Variants in HS3ST5 observed in about 807,000 individuals in gnomAD.
HS3ST5 encodes the protein heparan sulfate glucosamine 3-O-sulfotransferase 5.
Under a neutral mutation model 25.4 loss-of-function variants are expected in HS3ST5, and 10 were observed. That is an observed-to-expected ratio of 0.39 (90% CI 0.24 to 0.67). The LOEUF is 0.67. Ranked by LOEUF, HS3ST5 falls within the 30% of genes least tolerant of loss-of-function variation. The probability of loss-of-function intolerance (pLI) is 0.44; values close to 1 mark genes in which losing one functional copy is unlikely to be tolerated. For missense variants in HS3ST5, 324 were observed against 420.7 expected (o/e 0.77, Z 2.01); for synonymous variants, 170 against 162.4 (o/e 1.05, Z -0.36).
chr6:114,141,240 C>T (rs1400665505), intron 3 of HS3ST5, among the ~76,000 whole-genome samples: 4 of 152,182 alleles, frequency 2.6e-5, no homozygotes, highest in Non-Finnish European at 2.9e-5. Context: ...CTTCACTCAA[C>T]GATTGAAATG....
At chr6:114,230,342 T>TCTCA in intron 1 of HS3ST5, 1 of 152,184 alleles carries the variant, frequency 6.6e-6, no homozygotes, top group South Asian at 2.1e-4. Flanking sequence ...TTACTCAAAA[T>TCTCA]CTCAGTAAGA....
intron 1 of HS3ST5, among the ~76,000 whole-genome samples, chr6:114,274,819 G>C (rs1773779955): frequency 6.6e-6 from 1 of 150,912 alleles, no homozygotes; most frequent in Non-Finnish European, 1.5e-5. Flanking sequence ...AAGTACCTTG[G>C]AGTCTGAGAA....
At chr6:114,285,225 G>T (rs1379334547) in intron 1 of HS3ST5, among the ~76,000 whole-genome samples, 1 of 152,010 alleles carries the variant, frequency 6.6e-6, no homozygotes, top group Non-Finnish European at 1.5e-5. Flanking sequence ...TCACTTATAA[G>T]TGGGAGCTGA....
At chr6:114,096,218 C>T (rs774823267) in intron 3 of HS3ST5, among the ~76,000 whole-genome samples, 1 of 152,056 alleles carries the variant, frequency 6.6e-6, no homozygotes, top group Non-Finnish European at 1.5e-5. Flanking sequence ...CCCTTGAGCC[C>T]GTCATCAAAT....
chr6:114,189,582 A>G (rs1490694446), intron 2 of HS3ST5, among the ~76,000 whole-genome samples: 1 of 152,134 alleles, frequency 6.6e-6, no homozygotes, highest in African/African-American at 2.4e-5. Flanking sequence ...AAAATGCCTC[A>G]ACTATATCTT....
intron 2 of HS3ST5, among the ~76,000 whole-genome samples, chr6:114,221,351 A>G (rs759279104): frequency 1.3e-5 from 2 of 152,038 alleles, no homozygotes; most frequent in Non-Finnish European, 2.9e-5. Flanking sequence ...AAAAATATGT[A>G]TTCGAATTTA....
At chr6:114,263,743 C>G (rs1180793186) in intron 1 of HS3ST5, among the ~76,000 whole-genome samples, 2 of 152,106 alleles carry the variant, frequency 1.3e-5, no homozygotes, top group African/African-American at 2.4e-5. Context: ...GAGTGGGTGA[C>G]AAAGCATCTC....
At chr6:114,233,663 T>C (rs1452603856) in intron 1 of HS3ST5, among the ~76,000 whole-genome samples, 2 of 152,202 alleles carry the variant, frequency 1.3e-5, no homozygotes, top group African/African-American at 4.8e-5. Flanking sequence ...TTAGACATCA[T>C]TTATCCTTGA....
intron 3 of HS3ST5, chr6:114,167,364 G>A (rs1403570002): frequency 6.6e-6 from 1 of 152,100 alleles, no homozygotes; most frequent in African/African-American, 2.4e-5. Flanking sequence ...AAATTAAGAT[G>A]GGATATTACT....
intron 3 of HS3ST5, chr6:114,084,661 G>C (rs1013741804): frequency 1.6e-5 from 18 of 1,123,700 alleles, no homozygotes; most frequent in Non-Finnish European, 2.1e-5. Context: ...GAGGCTGATG[G>C]TCAGCCCTGG....
intron 3 of HS3ST5, among the ~76,000 whole-genome samples, chr6:114,123,531 T>G (rs1449712361): frequency 6.6e-6 from 1 of 152,180 alleles, no homozygotes; most frequent in African/African-American, 2.4e-5. Context: ...AATCCCAACT[T>G]TTAAGCCACA....
intron 1 of HS3ST5, among the ~76,000 whole-genome samples, chr6:114,264,881 G>A (rs565577798): frequency 2.3e-4 from 35 of 152,024 alleles, no homozygotes; most frequent in African/African-American, 8.2e-4. Context: ...CAAGAGTTGG[G>A]GTTTGTTTTG....
At chr6:114,124,145 C>A (rs1323659234) in intron 3 of HS3ST5, among the ~76,000 whole-genome samples, 3 of 152,142 alleles carry the variant, frequency 2.0e-5, no homozygotes, top group Non-Finnish European at 4.4e-5. Flanking sequence ...GCAGTCCCTG[C>A]CTTTCTGTCC....
chr6:114,336,394 A>G (rs1776613271), intron 1 of HS3ST5, among the ~76,000 whole-genome samples: 1 of 152,232 alleles, frequency 6.6e-6, no homozygotes, highest in Non-Finnish European at 1.5e-5. Context: ...AGATCACTTG[A>G]GGCCAGGAGT....
chr6:114,279,624 G>C (rs533726800), intron 1 of HS3ST5, among the ~76,000 whole-genome samples: 2 of 151,992 alleles, frequency 1.3e-5, no homozygotes, highest in African/African-American at 4.8e-5. Flanking sequence ...CCATTTTATT[G>C]CTTCCTGAAA....
At chr6:114,285,896 T>G (rs1235530860) in intron 1 of HS3ST5, among the ~76,000 whole-genome samples, 1 of 151,952 alleles carries the variant, frequency 6.6e-6, no homozygotes, top group Non-Finnish European at 1.5e-5. Flanking sequence ...AGTGGTGAAG[T>G]CAATTGCTAA....
chr6:114,202,687 T>G (rs902103813), intron 2 of HS3ST5, among the ~76,000 whole-genome samples: 3 of 152,156 alleles, frequency 2.0e-5, no homozygotes, highest in Non-Finnish European at 4.4e-5. Flanking sequence ...CTAGAATAGT[T>G]AGGGGAAGCC....
At chr6:114,084,580 A>G in intron 3 of HS3ST5, 3 of 767,914 alleles carry the variant, frequency 3.9e-6, no homozygotes. Context: ...CGGGATGGCA[A>G]AGTCCACATA....
chr6:114,117,137 A>G (rs1776569711), intron 3 of HS3ST5, among the ~76,000 whole-genome samples: 1 of 152,178 alleles, frequency 6.6e-6, no homozygotes, highest in African/African-American at 2.4e-5. Flanking sequence ...TAACTGAATT[A>G]ATTTTAATTC....
Sources: gnomAD v4.1 joint callset for allele counts (sites outside exome capture counted in the v4.1 genomes callset) on GRCh38, gnomAD v4.1.1 for gene constraint, MANE v1.5 for transcripts, NCBI Gene and HGNC (gene_info 2026-07-23, HGNC 2026-07-21) for gene names.